ITPR1: variants seen among roughly 807,000 people sequenced by gnomAD.
ITPR1 encodes the protein inositol 1,4,5-trisphosphate-gated calcium channel ITPR1.
Under a neutral mutation model 318.4 loss-of-function variants are expected in ITPR1, and 96 were observed. The observed-to-expected ratio is 0.30, with a 90% confidence interval of 0.26 to 0.36. ITPR1 has a LOEUF of 0.36. Ranked by LOEUF, ITPR1 falls within the 10% of genes least tolerant of loss-of-function variation. The pLI is 1.00. For missense variants in ITPR1, 2,440 were observed against 3,460.2 expected (o/e 0.71, Z 7.40); for synonymous variants, 1,312 against 1,289.9 (o/e 1.02, Z -0.37).
At chr3:4,726,635 A>G (rs2042536137) in intron 41 of ITPR1, among the ~76,000 whole-genome samples, 1 of 152,178 alleles carries the variant, frequency 6.6e-6, no homozygotes, top group Non-Finnish European at 1.5e-5. Flanking sequence ...AGAGCTCCTC[A>G]TTCTGTTAAC....
intron 4 of ITPR1, among the ~76,000 whole-genome samples, chr3:4,546,608 A>G (rs998300290): frequency 6.6e-6 from 1 of 152,176 alleles, no homozygotes; most frequent in Non-Finnish European, 1.5e-5. Context: ...GTCCGCAAGC[A>G]GTAGTGTCCT....
At chr3:4,577,375 T>C (rs1283924017) in intron 4 of ITPR1, among the ~76,000 whole-genome samples, 1 of 152,212 alleles carries the variant, frequency 6.6e-6, no homozygotes, top group Non-Finnish European at 1.5e-5. Context: ...AAAATACAGA[T>C]TCTGTAGGTC....
intron 3 of ITPR1, 142 bp downstream of exon 3, chr3:4,516,725 C>A: frequency 3.0e-6 from 2 of 657,554 alleles, no homozygotes; most frequent in East Asian, 5.9e-5. Flanking sequence ...CACCAAATCT[C>A]ATGTTAGCCA....
intron 44 of ITPR1, among the ~76,000 whole-genome samples, chr3:4,765,337 A>G (rs3805011): frequency 0.47 from 71,060 of 152,018 alleles, 17,840 homozygotes; most frequent in East Asian, 0.87. Context: ...GGGCATGACC[A>G]AGAAGTGCAT....
intron 21 of ITPR1, 102 bp downstream of exon 21, chr3:4,673,489 T>A: frequency 1.6e-6 from 2 of 1,220,534 alleles, no homozygotes; most frequent in Non-Finnish European, 2.2e-6. Context: ...AAGTGTTGGT[T>A]TTTTCTTCAA....
At chr3:4,764,581 A>G (rs112940717) in intron 44 of ITPR1, among the ~76,000 whole-genome samples, 4,426 of 152,338 alleles carry the variant, frequency 0.029, 87 homozygotes, top group South Asian at 0.062. Context: ...AGATGAAACA[A>G]GGCATGGAGA....
rs138342082 is a variant in ITPR1, at chr3:4,729,172, T to C, written c.5220+1999T>C. On this transcript the variant is annotated intron_variant, in intron 42 of 61. Transcript: ENST00000649015. ...TTGTAATTAGAAACAGGTTCAAGTT[T>C]TGGGGTTTTCTTTTTGCCAGATACT... Among the ~76,000 whole-genome samples the C allele has an allele frequency of 4.4e-4, 67 of 152,242 alleles. 1 individual carries two copies. In the East Asian group the frequency reaches 0.011, roughly 25 times the overall value.
intron 2 of ITPR1, among the ~76,000 whole-genome samples, chr3:4,510,649 CA>C (rs1020197521): frequency 5.4e-4 from 82 of 152,308 alleles, no homozygotes; most frequent in African/African-American, 1.9e-3. Flanking sequence ...ACATCACACA[CA>C]GATCTCTAGA....
chr3:4,627,984 A>C (rs1575793723), intron 5 of ITPR1, 106 bp downstream of exon 5: 1 of 659,746 alleles, frequency 1.5e-6, no homozygotes, highest in Non-Finnish European at 2.5e-6. Flanking sequence ...CAATTCTAGC[A>C]GCCAGCTTTC....
At chr3:4,705,328 G>A (rs1280647554) in intron 36 of ITPR1, among the ~76,000 whole-genome samples, 1 of 152,180 alleles carries the variant, frequency 6.6e-6, no homozygotes, top group African/African-American at 2.4e-5. Flanking sequence ...GTCACCCGTT[G>A]TCAGCATCTT....
chr3:4,649,929 T>TA (rs1217293480), intron 10 of ITPR1, among the ~76,000 whole-genome samples: 1 of 152,218 alleles, frequency 6.6e-6, no homozygotes, highest in Non-Finnish European at 1.5e-5. Context: ...AAGTATAACG[T>TA]AAACGATCTC....
chr3:4,536,174 G>T (rs946040371), intron 4 of ITPR1, among the ~76,000 whole-genome samples: 1 of 152,166 alleles, frequency 6.6e-6, no homozygotes, highest in Non-Finnish European at 1.5e-5. Flanking sequence ...TCAGTCGTTT[G>T]CCAGGTTTAT....
At chr3:4,715,468 T>C (rs1205251941) in intron 39 of ITPR1, among the ~76,000 whole-genome samples, 2 of 152,238 alleles carry the variant, frequency 1.3e-5, no homozygotes, top group African/African-American at 4.8e-5. Context: ...CCTGTAGTTT[T>C]GGTCAGTTCC....
At chr3:4,635,861 GGTTT>G (rs1272787175) in intron 5 of ITPR1, among the ~76,000 whole-genome samples, 1 of 151,734 alleles carries the variant, frequency 6.6e-6, no homozygotes, top group Non-Finnish European at 1.5e-5. Flanking sequence ...ACCAGACTTG[GGTTT>G]GTTTGTTTTT....
chr3:4,669,873 T>G (rs1472094167), intron 19 of ITPR1, 100 bp downstream of exon 19: 1 of 1,181,668 alleles, frequency 8.5e-7, no homozygotes, highest in African/African-American at 1.6e-5. Flanking sequence ...TGAGTTGATC[T>G]AAAGTCAGTG....
chr3:4,643,858 GTT>G (rs755844856), intron 7 of ITPR1, among the ~76,000 whole-genome samples: 2 of 144,044 alleles, frequency 1.4e-5, no homozygotes, highest in Non-Finnish European at 1.5e-5. Context: ...AAACTGAACA[GTT>G]TTTTTTTTTT....
At chr3:4,677,160 G>C (rs2125221683) in intron 24 of ITPR1, among the ~76,000 whole-genome samples, 1 of 152,242 alleles carries the variant, frequency 6.6e-6, no homozygotes, top group Non-Finnish European at 1.5e-5. Flanking sequence ...CATCAACTTT[G>C]CAAAGCCTTC....
intron 40 of ITPR1, 104 bp from the exon 41 acceptor site, chr3:4,725,442 T>A: frequency 1.1e-6 from 1 of 951,208 alleles, no homozygotes; most frequent in Non-Finnish European, 1.7e-6. Flanking sequence ...TCATCTCTGA[T>A]CCTTCCTCCT....
chr3:4,641,822 C>A (rs1264756806), intron 6 of ITPR1, among the ~76,000 whole-genome samples: 1 of 152,228 alleles, frequency 6.6e-6, no homozygotes, highest in Non-Finnish European at 1.5e-5. Context: ...TATGATGGCA[C>A]AGTTGACCTG....
Sources: gnomAD v4.1 joint callset for allele counts (sites outside exome capture counted in the v4.1 genomes callset) on GRCh38, gnomAD v4.1.1 for gene constraint, MANE v1.5 for transcripts, NCBI Gene and HGNC (gene_info 2026-07-23, HGNC 2026-07-21) for gene names.